CDH4: variants seen among roughly 807,000 people sequenced by gnomAD.
CDH4 encodes cadherin-4.
CDH4 carries 33 observed loss-of-function variants against 86.0 expected under a neutral mutation model. That is an observed-to-expected ratio of 0.38 (90% CI 0.29 to 0.51). The LOEUF is 0.51. Ranked by LOEUF, CDH4 falls within the 20% of genes least tolerant of loss-of-function variation. CDH4 has a pLI of 0.86. For synonymous variants in CDH4, 555 were observed against 549.4 expected, an observed-to-expected ratio of 1.01 and a Z score of -0.14; for missense variants, 1,114 against 1,307.4, an observed-to-expected ratio of 0.85 and a Z score of 2.28.
intron 4 of CDH4, among the ~76,000 whole-genome samples, chr20:61,824,938 T>G (rs943204365): frequency 1.3e-5 from 2 of 152,198 alleles, no homozygotes; most frequent in African/African-American, 4.8e-5. Flanking sequence ...AGTCAGATCG[T>G]CTTTCCAAAC....
chr20:61,425,515 G>A (rs1049859172), intron 2 of CDH4, among the ~76,000 whole-genome samples: 2 of 152,248 alleles, frequency 1.3e-5, no homozygotes, highest in African/African-American at 4.8e-5. Flanking sequence ...GGGCTCTGAG[G>A]TCGAGCCTAG....
At chr20:61,840,943 T>C (rs911575440) in intron 4 of CDH4, among the ~76,000 whole-genome samples, 1 of 152,266 alleles carries the variant, frequency 6.6e-6, no homozygotes, top group Non-Finnish European at 1.5e-5. Flanking sequence ...GTAATGAGCT[T>C]TCCTTGAAAA....
At chr20:61,346,739 G>A (rs2084681219) in intron 2 of CDH4, among the ~76,000 whole-genome samples, 1 of 104,216 alleles carries the variant, frequency 9.6e-6, no homozygotes, top group Non-Finnish European at 2.0e-5. Context: ...GCGAGACTCT[G>A]TCAAAAAAAA....
Position 61,515,085 on chromosome 20 carries a change from G to A in CDH4, c.170-228478G>A, listed in dbSNP as rs546348426. Among the ~76,000 whole-genome samples the A allele has an allele frequency of 6.6e-5, 10 of 152,372 alleles. No homozygotes were observed. The South Asian group carries it at 1.2e-3, about 19-fold the overall frequency. On this transcript the variant is annotated intron_variant, in intron 2 of 15. Coordinates refer to ENST00000614565, the MANE Select transcript of CDH4 (RefSeq NM_001794.5). ...AGCCTGTCATTCACGATCATGTAGCGAGTTCAGAGAGAAGAAAACTGGAAT... is the reference window on the plus strand; with the variant it reads ...AGCCTGTCATTCACGATCATGTAGCAAGTTCAGAGAGAAGAAAACTGGAAT...
At chr20:61,369,037 C>T (rs556802846) in intron 2 of CDH4, among the ~76,000 whole-genome samples, 1 of 152,116 alleles carries the variant, frequency 6.6e-6, no homozygotes, top group Non-Finnish European at 1.5e-5. Flanking sequence ...TTCTGTAGTT[C>T]GTAGCCTACT....
rs941748691 is a variant in CDH4, at chr20:61,544,977, C to A, written c.170-198586C>A. Among the ~76,000 whole-genome samples the A allele has an allele frequency of 6.6e-6, 1 of 152,116 alleles. No homozygotes were observed. Among genetic ancestry groups the A allele is most frequent in the Non-Finnish European group, 1.5e-5 (1 of 68,032 alleles). Reference sequence around the variant, plus strand: ...ACAAGTAGGGTGACTAGCAAATGACCCTTGAGCAGCCCTACTGGGGCCCCG... The same window carrying A: ...ACAAGTAGGGTGACTAGCAAATGACACTTGAGCAGCCCTACTGGGGCCCCG... On this transcript the variant is annotated intron_variant, in intron 2 of 15. Coordinates refer to ENST00000614565, the MANE Select transcript of CDH4 (RefSeq NM_001794.5). This position sits in a 1 kb window ranked among gnomAD's most constrained non-coding sequence, Gnocchi z 6.5.
At chr20:61,572,497 G>A (rs1435882219) in intron 2 of CDH4, among the ~76,000 whole-genome samples, 1 of 152,090 alleles carries the variant, frequency 6.6e-6, no homozygotes, top group Non-Finnish European at 1.5e-5. Context: ...GTGAGCCTCT[G>A]CCCTCTCTCC....
chr20:61,556,181 T>G (rs990369553), intron 2 of CDH4, among the ~76,000 whole-genome samples: 2 of 152,206 alleles, frequency 1.3e-5, no homozygotes, highest in Non-Finnish European at 2.9e-5. Flanking sequence ...TGTGCATTGG[T>G]GTTTTCAAAG....
chr20:61,459,068 T>C (rs2145556579), intron 2 of CDH4, among the ~76,000 whole-genome samples: 1 of 152,104 alleles, frequency 6.6e-6, no homozygotes, highest in East Asian at 1.9e-4. Flanking sequence ...GGCTGTCTCC[T>C]TTTTTAGTCA....
chr20:61,733,708 T>TGAAA (rs201741443), intron 2 of CDH4, among the ~76,000 whole-genome samples: 10,090 of 151,022 alleles, frequency 0.067, 372 homozygotes, highest in Non-Finnish European at 0.083. Context: ...AAAGAAAGAA[T>TGAAA]GAAAGAAAGA....
chr20:61,724,087 G>T (rs11906039), intron 2 of CDH4, among the ~76,000 whole-genome samples: 1 of 140,990 alleles, frequency 7.1e-6, no homozygotes, highest in Non-Finnish European at 1.5e-5. Flanking sequence ...CAGGGCGGGT[G>T]GGTCCCCATG....
intron 4 of CDH4, among the ~76,000 whole-genome samples, chr20:61,819,661 G>A (rs779967349): frequency 7.2e-5 from 11 of 152,096 alleles, no homozygotes; most frequent in Non-Finnish European, 1.3e-4. Flanking sequence ...TCTCCCCTCC[G>A]CTGCTGATTG....
chr20:61,756,892 G>A (rs1000747322), intron 3 of CDH4, among the ~76,000 whole-genome samples: 2 of 152,186 alleles, frequency 1.3e-5, no homozygotes, highest in African/African-American at 4.8e-5. Context: ...AGAAGGTCCC[G>A]AGGTGGGGGT....
chr20:61,935,260 A>T (rs929192076), intron 15 of CDH4, among the ~76,000 whole-genome samples: 2 of 152,252 alleles, frequency 1.3e-5, no homozygotes, highest in African/African-American at 4.8e-5. Context: ...GAATTGATTT[A>T]AACAGAAGAT....
At position 61,362,651 on chromosome 20, in the gene CDH4, C is replaced by A. The variant is rs542214683; in HGVS notation, c.169+107714C>A. Among the ~76,000 whole-genome samples, 264 of 152,084 alleles carry A rather than the reference C, an allele frequency of 1.7e-3. 1 individual carries two copies. The highest frequency in any genetic ancestry group is 5.9e-3 in the African/African-American group (245 of 41,486). The stretch of plus-strand genomic sequence containing the variant: ...GATTCAGCGGGTCAGGATGGGGGAG[C>A]AAAGGGGACTTGAGGTGAAGACACA... On this transcript the variant is annotated intron_variant, in intron 2 of 15. Coordinates refer to ENST00000614565, the MANE Select transcript of CDH4 (RefSeq NM_001794.5).
intron 2 of CDH4, among the ~76,000 whole-genome samples, chr20:61,294,901 C>A (rs1364036747): frequency 2.0e-5 from 3 of 152,206 alleles, no homozygotes; most frequent in African/African-American, 7.2e-5. Context: ...ACAGGGTCAC[C>A]CACTGATCCC....
intron 2 of CDH4, among the ~76,000 whole-genome samples, chr20:61,608,155 C>A (rs1164076297): frequency 6.6e-6 from 1 of 152,184 alleles, no homozygotes; most frequent in Non-Finnish European, 1.5e-5. Context: ...GGTAAAGCCA[C>A]ACCCGCTGCG....
chr20:61,679,439 G>A (rs1412936503), intron 2 of CDH4, among the ~76,000 whole-genome samples: 6 of 152,214 alleles, frequency 3.9e-5, no homozygotes, highest in Non-Finnish European at 7.3e-5. Flanking sequence ...TCTCGCTGCT[G>A]TGGCCCAGCA....
At chr20:61,784,097 A>G (rs112341645) in intron 4 of CDH4, among the ~76,000 whole-genome samples, 70 of 2,996 alleles carry the variant, frequency 0.023, no homozygotes, top group East Asian at 0.067. Context: ...GACAGTTCTC[A>G]AGGCCCTCAG....
Sources: allele counts gnomAD v4.1 joint callset (sites outside exome capture counted in the v4.1 genomes callset), GRCh38; gene constraint gnomAD v4.1.1; non-coding constraint Gnocchi (gnomAD v3.1); transcripts MANE v1.5; gene names NCBI Gene and HGNC (gene_info 2026-07-23, HGNC 2026-07-21).